The following GPLD1 variants were observed in gnomAD, a reference collection of about 807,000 sequenced individuals.
GPLD1 encodes the protein phosphatidylinositol-glycan-specific phospholipase D.
In GPLD1, 84 loss-of-function variants were observed where a neutral mutation model predicts 112.6. That is an observed-to-expected ratio of 0.75 (90% CI 0.63 to 0.89). The LOEUF is 0.89. Among genes scored for constraint, GPLD1 ranks in the 40% least tolerant of loss-of-function variants. GPLD1 has a pLI of 0.00. For synonymous variants in GPLD1, 386 were observed against 403.8 expected (o/e 0.96, Z 0.53); for missense variants, 1,044 against 1,051.5 (o/e 0.99, Z 0.10).
intron 10 of GPLD1, among the ~76,000 whole-genome samples, chr6:24,463,305 C>T (rs1259369026): frequency 6.6e-6 from 1 of 152,134 alleles, no homozygotes; most frequent in East Asian, 1.9e-4. Context: ...GGCTTTCCCC[C>T]AACACTGAAC....
intron 22 of GPLD1, 26 bp downstream of exon 22, chr6:24,436,550 G>A (rs766710391): frequency 1.3e-6 from 2 of 1,598,644 alleles, no homozygotes; most frequent in Admixed American, 3.3e-5. Flanking sequence ...TTCCCAATAA[G>A]TTATAGAATT....
At chr6:24,484,507 C>G (rs973893915) in intron 2 of GPLD1, among the ~76,000 whole-genome samples, 6 of 152,226 alleles carry the variant, frequency 3.9e-5, no homozygotes, top group Non-Finnish European at 5.9e-5. Flanking sequence ...TGAGCCATCA[C>G]GCCTGGCCTA....
chr6:24,489,469 C>A lies in GPLD1; in HGVS notation c.43G>T (p.Gly15Cys), dbSNP rs756302094. 3.1e-6 allele frequency: 5 copies of A among 1,614,016 alleles called. No individual in the cohort carries two copies. Among genetic ancestry groups the A allele is most frequent in the East Asian group, 2.2e-5 (1 of 44,878 alleles). ...GGTGAACCTCTATGGCAGAGAGAACCCAACATGATCAGCAGGCCAGGCCAC... is the reference window on the plus strand; with the variant it reads ...GGTGAACCTCTATGGCAGAGAGAACACAACATGATCAGCAGGCCAGGCCAC... ...RLWPGLLIML[G>C]SLCHRGSPCG... The change falls in exon 1 of 25, where the codon GGT becomes TGT. Residue 15 changes from glycine (G) to cysteine (C), a missense_variant. Gly to Cys is a radical substitution (Grantham distance 159). Coordinates refer to ENST00000230036, the MANE Select transcript of GPLD1 (RefSeq NM_001503.4).
At chr6:24,430,830 G>T (rs793687) in intron 24 of GPLD1, among the ~76,000 whole-genome samples, 92,901 of 151,944 alleles carry the variant, frequency 0.61, 28,992 homozygotes, top group Middle Eastern at 0.68. Flanking sequence ...TCAGGTATGT[G>T]CTGGAAAAGT....
At chr6:24,459,793 T>C (rs140111025) in intron 12 of GPLD1, among the ~76,000 whole-genome samples, 2 of 152,334 alleles carry the variant, frequency 1.3e-5, no homozygotes, top group Middle Eastern at 3.4e-3. Context: ...GTGAACGCCT[T>C]TGGGACTAAG....
chr6:24,472,775 C>T, intron 6 of GPLD1, 139 bp from the exon 7 acceptor site: 1 of 599,784 alleles, frequency 1.7e-6, no homozygotes, highest in Non-Finnish European at 3.0e-6. Flanking sequence ...TAGGTAAAGG[C>T]ATGCCTTTTT....
intron 3 of GPLD1, among the ~76,000 whole-genome samples, 174 bp from the exon 4 acceptor site, chr6:24,476,452 A>G (rs1413049586): frequency 6.6e-6 from 1 of 152,064 alleles, no homozygotes; most frequent in Non-Finnish European, 1.5e-5. Context: ...GCCAGCTGAG[A>G]TTTTGGAATA....
At chr6:24,443,575 G>A (rs1762817173) in intron 20 of GPLD1, among the ~76,000 whole-genome samples, 1 of 152,154 alleles carries the variant, frequency 6.6e-6, no homozygotes, top group Non-Finnish European at 1.5e-5. Flanking sequence ...CTTCCAACAT[G>A]ATTCCAAAGC....
At position 24,467,161 on chromosome 6, in the gene GPLD1, G is replaced by A. The variant is rs1279629976; in HGVS notation, c.653+6C>T. ...AGCTGCAAATTGTCCTCTGAGTTAC[G>A]CTTACATTTCTAAGAACTGGATATG... On this transcript the variant is annotated splice_donor_region_variant and intron_variant, in intron 8 of 24. Transcript: ENST00000230036. 14 of 1,480,666 alleles carry A rather than the reference G, an allele frequency of 9.5e-6. No homozygotes were observed. The highest frequency in any genetic ancestry group is 6.8e-5 in the South Asian group (6 of 88,170). The allele number at this position is 1,480,666 out of a possible 1,614,324, so 91.7% of individuals were successfully genotyped here. A position where few individuals can be genotyped will look rare whatever the true frequency, so the allele number is the denominator to read the frequency against.
At chr6:24,463,758 G>A (rs778175200) in intron 10 of GPLD1, among the ~76,000 whole-genome samples, 36 of 152,166 alleles carry the variant, frequency 2.4e-4, no homozygotes, top group Admixed American at 3.9e-4. Flanking sequence ...GGAAATGCCT[G>A]TTACTATGAA....
At chr6:24,454,326 G>T in intron 13 of GPLD1, 125 bp from the exon 14 acceptor site, 1 of 558,704 alleles carries the variant, frequency 1.8e-6, no homozygotes. Context: ...CACCCTGCGT[G>T]ACTGTTGTGA....
chr6:24,436,770 T>C (rs1289921410), intron 21 of GPLD1, 34 bp from the exon 22 acceptor site: 2 of 1,605,582 alleles, frequency 1.2e-6, no homozygotes, highest in Admixed American at 1.7e-5. Flanking sequence ...AAGGAAGTAT[T>C]TGACTCCTCA....
At chr6:24,471,830 C>T (rs1448633375) in intron 7 of GPLD1, among the ~76,000 whole-genome samples, 1 of 152,140 alleles carries the variant, frequency 6.6e-6, no homozygotes, top group Non-Finnish European at 1.5e-5. Context: ...AGTGATCCTC[C>T]CACCTCAGCC....
chr6:24,462,249 C>T (rs748617436), intron 11 of GPLD1, among the ~76,000 whole-genome samples: 2 of 152,198 alleles, frequency 1.3e-5, no homozygotes, highest in African/African-American at 2.4e-5. Flanking sequence ...CCTCCCGCCT[C>T]AGCCTCCCAA....
chr6:24,430,388 C>G (rs1171499101), intron 24 of GPLD1, among the ~76,000 whole-genome samples: 2 of 152,198 alleles, frequency 1.3e-5, no homozygotes, highest in African/African-American at 2.4e-5. Context: ...TCATCATACA[C>G]CAAACTGGAT....
chr6:24,440,234 C>A (rs1762702452), intron 20 of GPLD1, among the ~76,000 whole-genome samples: 1 of 152,092 alleles, frequency 6.6e-6, no homozygotes, highest in Admixed American at 6.5e-5. Context: ...GCAGGAGGAT[C>A]ACTTCAGCTC....
At chr6:24,442,047 TA>T (rs1408867681) in intron 20 of GPLD1, among the ~76,000 whole-genome samples, 1 of 148,730 alleles carries the variant, frequency 6.7e-6, no homozygotes, top group Non-Finnish European at 1.5e-5. Context: ...TATTATATAT[TA>T]GTATACTTAT....
rs550563558 is a variant in GPLD1, at chr6:24,470,123, C to T, written c.545+2459G>A. On this transcript the variant is annotated intron_variant, in intron 7 of 24. Coordinates refer to ENST00000230036, the MANE Select transcript of GPLD1 (RefSeq NM_001503.4). The stretch of plus-strand genomic sequence containing the variant: ...CTACACGTTAGGTTTGGAACCTGGA[C>T]GGTTTTTTTTTTGTTTGTTTTTTTG... Among the ~76,000 whole-genome samples the T allele has an allele frequency of 1.3e-3, 190 of 149,280 alleles. 1 individual carries two copies. The highest frequency in any genetic ancestry group is 0.01 in the Middle Eastern group (3 of 294).
intron 22 of GPLD1, among the ~76,000 whole-genome samples, chr6:24,435,010 T>C (rs2127315561): frequency 6.8e-6 from 1 of 146,140 alleles, no homozygotes; most frequent in African/African-American, 2.7e-5. Context: ...GGCATAATAT[T>C]AATTTCTTTT....
Sources: gnomAD v4.1 joint callset for allele counts (sites outside exome capture counted in the v4.1 genomes callset) on GRCh38, gnomAD v4.1.1 for gene constraint, MANE v1.5 for transcripts, NCBI Gene and HGNC (gene_info 2026-07-23, HGNC 2026-07-21) for gene names.